The following YAF2 variants were observed in gnomAD, a reference collection of about 807,000 sequenced individuals.
YAF2 encodes YY1-associated factor 2.
Under a neutral mutation model 20.1 loss-of-function variants are expected in YAF2, and 7 were observed. The observed-to-expected ratio is 0.35, with a 90% confidence interval of 0.20 to 0.65. The LOEUF is 0.65. YAF2 is among the 30% of genes least tolerant of loss of function. The pLI, the probability that YAF2 is intolerant of heterozygous loss-of-function variation, is 0.69. For synonymous variants in YAF2, 74 were observed against 76.0 expected (o/e 0.97, Z 0.14); for missense variants, 151 against 219.2 (o/e 0.69, Z 1.96).
chr12:42,194,101 G>A (rs1227549255), intron 2 of YAF2, among the ~76,000 whole-genome samples: 2 of 152,000 alleles, frequency 1.3e-5, no homozygotes, highest in Admixed American at 6.6e-5. Context: ...ACAAAAGAGT[G>A]AAAACATTAA....
At chr12:42,161,533 T>C (rs2065799219) in intron 3 of YAF2, 80 bp downstream of exon 3, 1 of 1,419,890 alleles carries the variant, frequency 7.0e-7, no homozygotes, top group Non-Finnish European at 9.3e-7. Flanking sequence ...TTCCACTTTG[T>C]GTATATTAGT....
intron 2 of YAF2, among the ~76,000 whole-genome samples, chr12:42,163,057 T>G (rs2065833974): frequency 1.3e-5 from 2 of 152,152 alleles, no homozygotes. Context: ...TTAGCTTGCT[T>G]AGCCCTACCC....
chr12:42,198,651 G>A (rs1336849644), intron 2 of YAF2, among the ~76,000 whole-genome samples: 1 of 152,142 alleles, frequency 6.6e-6, no homozygotes, highest in Non-Finnish European at 1.5e-5. Flanking sequence ...AGTAGATCTA[G>A]GTATCAGGGA....
intron 2 of YAF2, among the ~76,000 whole-genome samples, chr12:42,226,069 G>A (rs1218161217): frequency 1.3e-5 from 2 of 152,072 alleles, no homozygotes; most frequent in Non-Finnish European, 2.9e-5. Flanking sequence ...GTGGTTTGTA[G>A]TTCTCCTTGA....
At chr12:42,228,661 G>T in intron 2 of YAF2, among the ~76,000 whole-genome samples, 1 of 113,536 alleles carries the variant, frequency 8.8e-6, no homozygotes, top group Non-Finnish European at 1.8e-5. Context: ...GGAGGTGGGG[G>T]GGGGGTCAGC....
At chr12:42,235,139 A>G in intron 2 of YAF2, 9 of 987,382 alleles carry the variant, frequency 9.1e-6, no homozygotes, top group Non-Finnish European at 1.1e-5. Flanking sequence ...TTCAAAGGTC[A>G]GTCTGACCCA....
chr12:42,197,341 C>T (rs910718323), intron 2 of YAF2, among the ~76,000 whole-genome samples: 1 of 152,180 alleles, frequency 6.6e-6, no homozygotes, highest in African/African-American at 2.4e-5. Flanking sequence ...TCAGCTTTCA[C>T]CTAGCTAGGG....
At chr12:42,165,884 ATATCTATC>A (rs548540208) in intron 2 of YAF2, among the ~76,000 whole-genome samples, 2 of 146,814 alleles carry the variant, frequency 1.4e-5, no homozygotes, top group South Asian at 2.1e-4. Context: ...AATTCTATCT[ATATCTATC>A]TATCTATCTA....
At chr12:42,198,839 T>C (rs2066824482) in intron 2 of YAF2, among the ~76,000 whole-genome samples, 1 of 152,150 alleles carries the variant, frequency 6.6e-6, no homozygotes, top group African/African-American at 2.4e-5. Flanking sequence ...ACACCAAAGT[T>C]TTCTCAAATG....
intron 2 of YAF2, among the ~76,000 whole-genome samples, chr12:42,165,674 T>C (rs561830816): frequency 6.6e-6 from 1 of 151,438 alleles, no homozygotes; most frequent in South Asian, 2.1e-4. Flanking sequence ...GGTTTCACTG[T>C]GTTAGCTAGG....
intron 2 of YAF2, chr12:42,236,135 C>G: frequency 1.5e-6 from 2 of 1,332,672 alleles, no homozygotes; most frequent in Non-Finnish European, 2.0e-6. Flanking sequence ...AATGTTCCTG[C>G]CTCCAAAAAA....
intron 2 of YAF2, among the ~76,000 whole-genome samples, chr12:42,185,897 T>C (rs2066460231): frequency 6.6e-6 from 1 of 152,216 alleles, no homozygotes; most frequent in Non-Finnish European, 1.5e-5. Flanking sequence ...ATTTATTTTT[T>C]AATTTTAAAA....
intron 2 of YAF2, chr12:42,199,397 T>C (rs972984085): frequency 7.4e-6 from 2 of 271,826 alleles, no homozygotes; most frequent in Non-Finnish European, 1.4e-5. Context: ...TTGTTCACTA[T>C]GATTTATTCA....
intron 2 of YAF2, among the ~76,000 whole-genome samples, chr12:42,203,666 A>C (rs895917131): frequency 1.6e-4 from 25 of 152,174 alleles, no homozygotes; most frequent in African/African-American, 5.8e-4. Context: ...TTTTCTTATA[A>C]ATTGATACAA....
chr12:42,235,885 C>CA, intron 2 of YAF2: 1 of 1,536,120 alleles, frequency 6.5e-7, no homozygotes. Context: ...GCCAGGTATT[C>CA]AGCCTGTTTC....
intron 2 of YAF2, among the ~76,000 whole-genome samples, chr12:42,198,885 G>C (rs2066825650): frequency 6.6e-6 from 1 of 152,156 alleles, no homozygotes; most frequent in Admixed American, 6.5e-5. Context: ...GCAACTACAT[G>C]TGGGTACTGA....
intron 2 of YAF2, among the ~76,000 whole-genome samples, chr12:42,169,587 T>C (rs936681793): frequency 6.6e-6 from 1 of 151,938 alleles, no homozygotes. Context: ...CTAATTTTTG[T>C]ATTTTTTGTA....
At chr12:42,202,107 C>G (rs928832266) in intron 2 of YAF2, among the ~76,000 whole-genome samples, 6 of 152,068 alleles carry the variant, frequency 3.9e-5, no homozygotes, top group Non-Finnish European at 8.8e-5. Flanking sequence ...TCTAGTTTCC[C>G]CCCCCATCTA....
At chr12:42,191,492 T>C (rs182934544) in intron 2 of YAF2, among the ~76,000 whole-genome samples, 1 of 152,308 alleles carries the variant, frequency 6.6e-6, no homozygotes, top group East Asian at 1.9e-4. Context: ...GGGCTTTGTA[T>C]TTAATCTAAT....
Sources: gnomAD v4.1 joint callset for allele counts (sites outside exome capture counted in the v4.1 genomes callset) on GRCh38, gnomAD v4.1.1 for gene constraint, MANE v1.5 for transcripts, NCBI Gene and HGNC (gene_info 2026-07-23, HGNC 2026-07-21) for gene names.